FSD1L: variants seen among roughly 807,000 people sequenced by gnomAD.
The protein encoded by FSD1L is FSD1-like protein.
A neutral mutation model predicts 71.6 loss-of-function variants in FSD1L; 45 were observed. That is an observed-to-expected ratio of 0.63 (90% CI 0.49 to 0.81). The LOEUF (loss-of-function observed/expected upper bound fraction) is 0.81. FSD1L is among the 30% of genes least tolerant of loss of function. FSD1L has a pLI of 0.00. For missense variants in FSD1L, 561 were observed against 618.1 expected (o/e 0.91, Z 0.98); for synonymous variants, 197 against 207.2 (o/e 0.95, Z 0.42).
At chr9:105,532,545 T>G (rs915710133) in intron 10 of FSD1L, among the ~76,000 whole-genome samples, 1 of 152,216 alleles carries the variant, frequency 6.6e-6, no homozygotes, top group African/African-American at 2.4e-5. Context: ...TTTGGAGATC[T>G]CAACAACTAT....
At chr9:105,444,012 G>T (rs1212406707), upstream of FSD1L, among the ~76,000 whole-genome samples, 1 of 152,136 alleles carries the variant, frequency 6.6e-6, no homozygotes, top group Non-Finnish European at 1.5e-5. Flanking sequence ...AGATATAGTA[G>T]CAGGGAGCAA....
At chr9:105,445,801 T>C (rs1243536913), upstream of FSD1L, among the ~76,000 whole-genome samples, 1 of 152,162 alleles carries the variant, frequency 6.6e-6, no homozygotes, top group Non-Finnish European at 1.5e-5. Flanking sequence ...CTGCACTTGT[T>C]ATTCCTCACG....
In FSD1L at chr9:105,546,387, T is replaced by C. The variant is rs1160780014; in HGVS notation, c.1497T>C (p.Thr499=). The C allele has an allele frequency of 6.5e-7, 1 of 1,549,856 alleles. No homozygotes were observed. The highest frequency in any genetic ancestry group is 2.4e-5 in the East Asian group (1 of 40,878). ...GGTGTGGTGGACTTTCTTTGAGTAC[T>C]GGGATGCAGGTTCCAAGTGCTGTGA... ...MVWCGGLSLS[T]GMQVPSAVRT... The change falls in exon 14 of 14, where the codon ACT becomes ACC. Residue 499 remains threonine (T), a synonymous_variant. Coordinates refer to ENST00000481272, the MANE Select transcript of FSD1L (RefSeq NM_001145313.3).
At chr9:105,490,430 G>A (rs891590416) in intron 7 of FSD1L, among the ~76,000 whole-genome samples, 3 of 152,092 alleles carry the variant, frequency 2.0e-5, no homozygotes, top group Non-Finnish European at 4.4e-5. Flanking sequence ...AGTAGGTTGC[G>A]AATATTTTCT....
upstream of FSD1L, among the ~76,000 whole-genome samples, chr9:105,446,695 CCGTCTAGCACGTTAACT>C (rs1427414967): frequency 2.0e-5 from 3 of 150,972 alleles, no homozygotes; most frequent in East Asian, 5.8e-4. Context: ...GCACCTATAA[CCGTCTAGCACGTTAACT>C]TTTTTTTTTT....
At chr9:105,535,501 C>T (rs114160037) in intron 12 of FSD1L, among the ~76,000 whole-genome samples, 183 bp downstream of exon 12, 1,804 of 152,162 alleles carry the variant, frequency 0.012, 52 homozygotes, top group African/African-American at 0.042. Flanking sequence ...GTGATGTCTG[C>T]CTGGAGCCCT....
intron 8 of FSD1L, 95 bp from the exon 9 acceptor site, chr9:105,508,522 G>A: frequency 1.4e-6 from 1 of 709,506 alleles, no homozygotes. Flanking sequence ...TGAATACAGA[G>A]ACACGGTTCT....
intron 10 of FSD1L, chr9:105,524,585 C>A (rs1300453834): frequency 5.6e-6 from 9 of 1,613,866 alleles, no homozygotes; most frequent in Non-Finnish European, 7.6e-6. Context: ...AGTGTTTTAG[C>A]AATCCAAGGT....
intron 1 of FSD1L, 147 bp downstream of exon 1, chr9:105,448,382 C>A: frequency 1.4e-6 from 1 of 713,722 alleles, no homozygotes; most frequent in Non-Finnish European, 2.0e-6. Flanking sequence ...GGCCGCCCGG[C>A]CGCTCTCTGG....
chr9:105,483,590 G>C (rs139292840), intron 6 of FSD1L, among the ~76,000 whole-genome samples: 2 of 152,216 alleles, frequency 1.3e-5, no homozygotes, highest in South Asian at 2.1e-4. Flanking sequence ...AAAATTAATA[G>C]AATAAGAGGA....
In FSD1L at chr9:105,448,207, C is replaced by T. The variant is rs1162833024; in HGVS notation, c.-14C>T. On this transcript the variant is annotated 5_prime_UTR_variant, in exon 1 of 14. Transcript: ENST00000481272. Reference sequence around the variant, plus strand: ...TCGTCTCGGGTTCGAGCCCAGTGGGCTTAGCCACTCGCCATGGACTCCCAG... The same window carrying T: ...TCGTCTCGGGTTCGAGCCCAGTGGGTTTAGCCACTCGCCATGGACTCCCAG... 1 of 1,534,574 alleles carries T rather than the reference C, an allele frequency of 6.5e-7. No homozygotes were observed. Among genetic ancestry groups the T allele is most frequent in the Non-Finnish European group, 8.8e-7 (1 of 1,137,728 alleles).
chr9:105,446,925 T>G (rs1156591798), upstream of FSD1L, among the ~76,000 whole-genome samples: 1 of 152,140 alleles, frequency 6.6e-6, no homozygotes, highest in Admixed American at 6.5e-5. Flanking sequence ...GCCTGTCTGC[T>G]TGAGGAAGAA....
intron 7 of FSD1L, among the ~76,000 whole-genome samples, chr9:105,505,195 T>C (rs1314316503): frequency 1.3e-5 from 2 of 152,248 alleles, no homozygotes; most frequent in Non-Finnish European, 2.9e-5. Context: ...ATCTCTTATA[T>C]CCTGCAACCC....
intron 7 of FSD1L, among the ~76,000 whole-genome samples, chr9:105,506,171 T>C (rs969960982): frequency 1.3e-5 from 2 of 152,230 alleles, no homozygotes; most frequent in South Asian, 2.1e-4. Context: ...AAATATAATG[T>C]GTTCAGAAGT....
chr9:105,524,312 C>G, intron 10 of FSD1L: 1 of 1,613,398 alleles, frequency 6.2e-7, no homozygotes, highest in Non-Finnish European at 8.5e-7. Flanking sequence ...TTCAGATTTA[C>G]CAGCCTGATT....
intron 10 of FSD1L, among the ~76,000 whole-genome samples, chr9:105,516,403 C>G (rs550773243): frequency 7.9e-5 from 12 of 152,152 alleles, no homozygotes; most frequent in Non-Finnish European, 1.6e-4. Context: ...TAGGAGACAC[C>G]TCCCAGTAGG....
At chr9:105,447,509 G>C (rs2131544042), upstream of FSD1L, among the ~76,000 whole-genome samples, 2 of 152,150 alleles carry the variant, frequency 1.3e-5, no homozygotes, top group Middle Eastern at 3.4e-3. Context: ...GTGCCGGGGA[G>C]GATGGGTGGG....
intron 4 of FSD1L, among the ~76,000 whole-genome samples, chr9:105,471,529 T>G (rs1485235953): frequency 6.6e-6 from 1 of 152,100 alleles, no homozygotes; most frequent in African/African-American, 2.4e-5. Context: ...TGTCCCATAT[T>G]CTTTATGTAT....
At chr9:105,460,751 G>T (rs1830638916) in intron 1 of FSD1L, among the ~76,000 whole-genome samples, 1 of 152,078 alleles carries the variant, frequency 6.6e-6, no homozygotes, top group Non-Finnish European at 1.5e-5. Flanking sequence ...GTTTTTGTTA[G>T]CTGCCAACTT....
Sources: allele counts gnomAD v4.1 joint callset (sites outside exome capture counted in the v4.1 genomes callset), GRCh38; gene constraint gnomAD v4.1.1; transcripts MANE v1.5; gene names NCBI Gene and HGNC (gene_info 2026-07-23, HGNC 2026-07-21).